The following ANKHD1 variants were observed in gnomAD, a reference collection of about 807,000 sequenced individuals.
The protein encoded by ANKHD1 is ankyrin repeat and KH domain containing 1.
A neutral mutation model predicts 230.5 loss-of-function variants in ANKHD1; 31 were observed. The observed-to-expected ratio is 0.13, with a 90% CI of 0.10 to 0.18. The LOEUF (loss-of-function observed/expected upper bound fraction) is 0.18. Among genes scored for constraint, ANKHD1 ranks in the 10% least tolerant of loss-of-function variants. The pLI, the probability that ANKHD1 is intolerant of heterozygous loss-of-function variation, is 1.00. For missense variants in ANKHD1, 2,256 were observed against 3,071.3 expected (o/e 0.73, Z 6.27); for synonymous variants, 1,074 against 1,117.6 (o/e 0.96, Z 0.78).
chr5:140,503,553 C>CTTTCTTTT (rs1752400256), intron 15 of ANKHD1, among the ~76,000 whole-genome samples: 1 of 51,418 alleles, frequency 1.9e-5, no homozygotes, highest in Non-Finnish European at 3.3e-5. Context: ...AGTTTTCTTT[C>CTTTCTTTT]TTTTTTTTTT....
Position 140,436,261 on chromosome 5 carries a change from C to CT in ANKHD1, c.460+7dup. 3 of 1,542,092 alleles carry CT rather than the reference C, an allele frequency of 1.9e-6. No homozygotes were observed. Among genetic ancestry groups the CT allele is most frequent in the Non-Finnish European group, 1.7e-6 (2 of 1,148,634 alleles). On this transcript the variant is annotated splice_donor_region_variant and intron_variant, in intron 2 of 33. Transcript: ENST00000360839. Reference sequence around the variant, plus strand: ...GAAGCATTGCTAGAAGCAGCAGGTACTTTATTTTTTGTTTTATCTTTTTCA... The same window carrying CT: ...GAAGCATTGCTAGAAGCAGCAGGTACTTTTATTTTTTGTTTTATCTTTTTCA...
Position 140,401,944 on chromosome 5 carries a change from C to G in ANKHD1, c.-24C>G, listed in dbSNP as rs2126824730. 1.3e-6 allele frequency: 2 copies of G among 1,557,968 alleles called. No individual in the cohort carries two copies. On this transcript the variant is annotated 5_prime_UTR_variant, in exon 1 of 34. Coordinates refer to ENST00000360839, the MANE Select transcript of ANKHD1 (RefSeq NM_017747.3). ...GCGGTGACCGCGAGTGGGTCGGCAC[C>G]GTCTCCGGCTCCGGGTGCGAACAAT...
chr5:140,532,673 A>G (rs1753885925), intron 29 of ANKHD1, among the ~76,000 whole-genome samples: 1 of 152,256 alleles, frequency 6.6e-6, no homozygotes, highest in Non-Finnish European at 1.5e-5. Context: ...TTCTGTGAAT[A>G]TACAAAAAGC....
chr5:140,497,768 A>G (rs1452567179), intron 15 of ANKHD1, among the ~76,000 whole-genome samples: 1 of 152,134 alleles, frequency 6.6e-6, no homozygotes, highest in Non-Finnish European at 1.5e-5. Context: ...TCCATATTAT[A>G]ATATTTGTGG....
chr5:140,461,117 C>T (rs1017294962), intron 9 of ANKHD1, among the ~76,000 whole-genome samples: 3 of 152,116 alleles, frequency 2.0e-5, no homozygotes, highest in South Asian at 2.1e-4. Context: ...ACATTTTGCT[C>T]AGCTTTTGTG....
intron 22 of ANKHD1, among the ~76,000 whole-genome samples, chr5:140,510,944 T>C (rs1052039183): frequency 6.6e-6 from 1 of 152,108 alleles, no homozygotes; most frequent in Non-Finnish European, 1.5e-5. Flanking sequence ...CGCCTCAGCC[T>C]CCTGAGTAGC....
intron 10 of ANKHD1, among the ~76,000 whole-genome samples, chr5:140,472,891 G>A (rs1581308064): frequency 6.6e-6 from 1 of 152,004 alleles, no homozygotes; most frequent in East Asian, 1.9e-4. Flanking sequence ...TTTGTGCCCA[G>A]TGGTTTTAAA....
intron 29 of ANKHD1, among the ~76,000 whole-genome samples, chr5:140,530,019 G>T (rs1753743842): frequency 6.6e-6 from 1 of 151,384 alleles, no homozygotes; most frequent in African/African-American, 2.4e-5. Context: ...AAAACTCCAG[G>T]GATGTTTCAA....
intron 20 of ANKHD1, among the ~76,000 whole-genome samples, chr5:140,508,521 A>T (rs1752630331): frequency 6.6e-6 from 1 of 152,118 alleles, no homozygotes; most frequent in South Asian, 2.1e-4. Context: ...TGGGAAGCCT[A>T]GGCAGGTGAA....
intron 10 of ANKHD1, among the ~76,000 whole-genome samples, chr5:140,473,898 C>T (rs756671836): frequency 5.9e-5 from 9 of 152,100 alleles, no homozygotes; most frequent in Admixed American, 4.6e-4. Flanking sequence ...TGCAGCCCCA[C>T]GTTTACAGGT....
chr5:140,515,756 TAACA>T (rs1302870573), intron 24 of ANKHD1, among the ~76,000 whole-genome samples: 1 of 152,038 alleles, frequency 6.6e-6, no homozygotes, highest in Non-Finnish European at 1.5e-5. Flanking sequence ...GAAGGAAAAC[TAACA>T]AACAGAAAGG....
At chr5:140,489,844 T>C (rs927125281) in intron 14 of ANKHD1, among the ~76,000 whole-genome samples, 3 of 152,348 alleles carry the variant, frequency 2.0e-5, no homozygotes, top group Non-Finnish European at 4.4e-5. Context: ...CCAAATGGCA[T>C]TGGCAATCTA....
chr5:140,510,834 T>TGTGA (rs1752734826), intron 22 of ANKHD1, among the ~76,000 whole-genome samples: 1 of 152,012 alleles, frequency 6.6e-6, no homozygotes, highest in Non-Finnish European at 1.5e-5. Context: ...TGTGTGTGTG[T>TGTGA]GTGAGTATGA....
chr5:140,422,725 G>A (rs1246425192), intron 1 of ANKHD1, among the ~76,000 whole-genome samples: 1 of 151,010 alleles, frequency 6.6e-6, no homozygotes, highest in Non-Finnish European at 1.5e-5. Context: ...CTGGAGAATC[G>A]CTTGAACCTG....
At chr5:140,488,603 A>G (rs1270087228) in intron 14 of ANKHD1, among the ~76,000 whole-genome samples, 2 of 150,204 alleles carry the variant, frequency 1.3e-5, no homozygotes, top group Non-Finnish European at 3.0e-5. Context: ...AAAAAAAATC[A>G]TAAAAAAAAA....
chr5:140,459,613 C>A (rs1581279902), intron 9 of ANKHD1, among the ~76,000 whole-genome samples: 1 of 152,100 alleles, frequency 6.6e-6, no homozygotes, highest in South Asian at 2.1e-4. Flanking sequence ...ATGTATATCT[C>A]AAAATTGCTA....
At chr5:140,408,642 T>G (rs1425224840) in intron 1 of ANKHD1, among the ~76,000 whole-genome samples, 1 of 152,218 alleles carries the variant, frequency 6.6e-6, no homozygotes, top group Non-Finnish European at 1.5e-5. Flanking sequence ...GTCATATCCT[T>G]TAAGATTGTT....
chr5:140,534,341 G>T (rs1038938795), intron 29 of ANKHD1, among the ~76,000 whole-genome samples: 11 of 151,382 alleles, frequency 7.3e-5, no homozygotes, highest in Non-Finnish European at 1.6e-4. Flanking sequence ...GCAGTGAGCT[G>T]AGATCGTGCC....
intron 10 of ANKHD1, among the ~76,000 whole-genome samples, chr5:140,470,543 C>T (rs1776412447): frequency 6.9e-6 from 1 of 145,142 alleles, no homozygotes; most frequent in African/African-American, 2.5e-5. Context: ...TTTCTTTGTC[C>T]TTTTCTTCTG....
Sources: gnomAD v4.1 joint callset for allele counts (sites outside exome capture counted in the v4.1 genomes callset) on GRCh38, gnomAD v4.1.1 for gene constraint, MANE v1.5 for transcripts, NCBI Gene and HGNC (gene_info 2026-07-23, HGNC 2026-07-21) for gene names.